CDH12: variants seen among roughly 807,000 people sequenced by gnomAD.
The protein encoded by CDH12 is cadherin 12.
CDH12 carries 41 observed loss-of-function variants against 74.1 expected under a neutral mutation model. That is an observed-to-expected ratio of 0.55 (90% CI 0.43 to 0.72). CDH12 has a LOEUF of 0.72. Among genes scored for constraint, CDH12 ranks in the 30% least tolerant of loss-of-function variants. CDH12 has a pLI of 0.00. For missense variants in CDH12, 945 were observed against 977.2 expected, an observed-to-expected ratio of 0.97 and a Z score of 0.44; for synonymous variants, 399 against 355.0, an observed-to-expected ratio of 1.12 and a Z score of -1.39.
chr5:22,562,403 A>T (rs1329896516), intron 1 of CDH12, among the ~76,000 whole-genome samples: 1 of 152,226 alleles, frequency 6.6e-6, no homozygotes, highest in Non-Finnish European at 1.5e-5. Flanking sequence ...ATTTAAAAAA[A>T]TACAAAATGA....
At chr5:22,320,255 G>A (rs1251265706) in intron 3 of CDH12, among the ~76,000 whole-genome samples, 1 of 152,124 alleles carries the variant, frequency 6.6e-6, no homozygotes, top group Non-Finnish European at 1.5e-5. Flanking sequence ...AAGTATAGGT[G>A]ACTTGATGTT....
At chr5:22,831,754 T>G (rs1442388876) in intron 1 of CDH12, among the ~76,000 whole-genome samples, 1 of 151,786 alleles carries the variant, frequency 6.6e-6, no homozygotes, top group African/African-American at 2.4e-5. Flanking sequence ...AAAAATTAGC[T>G]GGGCGCGGTG....
chr5:22,667,128 A>T (rs1363347237), intron 1 of CDH12, among the ~76,000 whole-genome samples: 1 of 152,174 alleles, frequency 6.6e-6, no homozygotes, highest in African/African-American at 2.4e-5. Flanking sequence ...GTGAACACAG[A>T]CTTTTGCATT....
intron 4 of CDH12, among the ~76,000 whole-genome samples, chr5:22,158,478 T>A (rs913489127): frequency 2.6e-4 from 40 of 152,028 alleles, no homozygotes; most frequent in Non-Finnish European, 4.7e-4. Flanking sequence ...AGTTCCATTT[T>A]ATCAAAGGAT....
chr5:22,136,739 C>A (rs1046649818), intron 4 of CDH12, among the ~76,000 whole-genome samples: 1 of 149,612 alleles, frequency 6.7e-6, no homozygotes, highest in East Asian at 2.0e-4. Flanking sequence ...TCCCAGGGAC[C>A]GACTTTACCT....
chr5:21,964,574 A>T (rs1756500548), intron 6 of CDH12, among the ~76,000 whole-genome samples: 1 of 151,978 alleles, frequency 6.6e-6, no homozygotes, highest in Non-Finnish European at 1.5e-5. Context: ...GTAAAAATAA[A>T]ATAAAATAAA....
chr5:21,949,691 A>C (rs1755745712), intron 6 of CDH12, among the ~76,000 whole-genome samples: 1 of 152,132 alleles, frequency 6.6e-6, no homozygotes, highest in Non-Finnish European at 1.5e-5. Flanking sequence ...CAACAACAAC[A>C]AAAAAATTAA....
intron 2 of CDH12, among the ~76,000 whole-genome samples, chr5:22,503,084 A>G (rs935995882): frequency 6.6e-6 from 1 of 152,162 alleles, no homozygotes; most frequent in African/African-American, 2.4e-5. Flanking sequence ...TCATACTGGA[A>G]CAAGAAGGTA....
intron 8 of CDH12, among the ~76,000 whole-genome samples, chr5:21,830,031 T>C (rs1270181392): frequency 2.0e-5 from 3 of 151,350 alleles, no homozygotes; most frequent in African/African-American, 7.3e-5. Flanking sequence ...AAACCCCATC[T>C]CTACTAAAAA....
At chr5:22,296,398 G>C (rs894091000) in intron 3 of CDH12, among the ~76,000 whole-genome samples, 7 of 151,998 alleles carry the variant, frequency 4.6e-5, no homozygotes, top group Non-Finnish European at 1.0e-4. Context: ...TAATAAAGAA[G>C]GATGTAAGGG....
At chr5:21,770,261 T>A (rs774868206) in intron 11 of CDH12, among the ~76,000 whole-genome samples, 16 of 152,236 alleles carry the variant, frequency 1.1e-4, no homozygotes, top group South Asian at 6.2e-4. Context: ...AGGTTCTTGT[T>A]AGATTAAAAT....
chr5:21,751,963 C>T lies in CDH12; in HGVS notation c.2159G>A (p.Arg720Lys). 1 of 1,614,054 alleles carries T rather than the reference C, an allele frequency of 6.2e-7. No homozygotes were observed. The highest frequency in any genetic ancestry group is 1.1e-5 in the South Asian group (1 of 91,070). ...NTDIRDFIHQ[R>K]LQENDVDPTA... The stretch of plus-strand genomic sequence containing the variant: ...TGGATCCACATCATTTTCCTGTAGC[C>T]TTTGATGAATGAAATCCCTTATGTC... Residue 720 changes from arginine to lysine, a missense_variant, in exon 15 of 15, where the codon AGG (arginine) becomes AAG (lysine). Physicochemically the swap from Arg to Lys is conservative, Grantham distance 26. Transcript: ENST00000382254.
At chr5:22,196,345 A>AC (rs1750619586) in intron 4 of CDH12, among the ~76,000 whole-genome samples, 1 of 151,552 alleles carries the variant, frequency 6.6e-6, no homozygotes, top group African/African-American at 2.4e-5. Context: ...GGGTTTCACC[A>AC]TGTTGGCCAG....
chr5:22,711,675 G>C (rs1186612767), intron 1 of CDH12, among the ~76,000 whole-genome samples: 1 of 151,918 alleles, frequency 6.6e-6, no homozygotes, highest in East Asian at 1.9e-4. Flanking sequence ...CATATTCATA[G>C]GAAATTTTTT....
intron 11 of CDH12, among the ~76,000 whole-genome samples, chr5:21,775,285 G>T (rs925083032): frequency 2.0e-5 from 3 of 152,300 alleles, no homozygotes; most frequent in Non-Finnish European, 4.4e-5. Context: ...AGTCACCCAG[G>T]TGAATACACT....
chr5:22,088,464 T>A (rs988856613), intron 4 of CDH12, among the ~76,000 whole-genome samples: 26 of 152,172 alleles, frequency 1.7e-4, no homozygotes, highest in Admixed American at 5.2e-4. Flanking sequence ...TAGGGGTAAA[T>A]GAGAAGACTA....
chr5:22,247,778 C>G (rs1191677023), intron 3 of CDH12, among the ~76,000 whole-genome samples: 1 of 152,124 alleles, frequency 6.6e-6, no homozygotes, highest in Non-Finnish European at 1.5e-5. Flanking sequence ...CTTTTAGTGT[C>G]TAGTGCACTA....
rs1186578788 is a variant in CDH12, at chr5:21,765,102, G to T, written c.1394-3C>A. The stretch of plus-strand genomic sequence containing the variant: ...TTTGCTGGTCAATAAAGGGTTACCT[G>T]TTAAAAACATATAAAGATAAAAGAT... On this transcript the variant is annotated splice_polypyrimidine_tract_variant and splice_region_variant and intron_variant, in intron 11 of 14. Transcript: ENST00000382254. 6.4e-7 allele frequency: 1 copy of T among 1,550,574 alleles called. No homozygotes were observed. Among genetic ancestry groups the T allele is most frequent in the Non-Finnish European group, 8.7e-7 (1 of 1,151,430 alleles).
intron 3 of CDH12, among the ~76,000 whole-genome samples, chr5:22,375,972 G>A (rs1319606144): frequency 6.6e-6 from 1 of 152,000 alleles, no homozygotes; most frequent in Non-Finnish European, 1.5e-5. Flanking sequence ...TTTATCCAAG[G>A]GAAATTAAAT....
Sources: gnomAD v4.1 joint callset for allele counts (sites outside exome capture counted in the v4.1 genomes callset) on GRCh38, gnomAD v4.1.1 for gene constraint, MANE v1.5 for transcripts, NCBI Gene and HGNC (gene_info 2026-07-23, HGNC 2026-07-21) for gene names.